Variants in PTPRN2 observed in about 807,000 individuals in gnomAD.
PTPRN2 encodes the protein protein tyrosine phosphatase receptor type N2.
A neutral mutation model predicts 118.8 loss-of-function variants in PTPRN2; 74 were observed. The observed-to-expected ratio is 0.62, with a 90% CI of 0.52 to 0.76. The LOEUF (loss-of-function observed/expected upper bound fraction) is 0.76, where lower values mean the gene tolerates loss of function less well. PTPRN2 is among the 30% of genes least tolerant of loss of function. The probability of loss-of-function intolerance (pLI) is 0.00; values close to 1 mark genes in which losing one functional copy is unlikely to be tolerated. For missense variants in PTPRN2, 1,481 were observed against 1,394.4 expected (o/e 1.06, Z -0.99); for synonymous variants, 641 against 608.0 (o/e 1.05, Z -0.80).
intron 12 of PTPRN2, among the ~76,000 whole-genome samples, chr7:157,849,328 C>T (rs997416121): frequency 6.6e-6 from 1 of 152,060 alleles, no homozygotes; most frequent in Non-Finnish European, 1.5e-5. Context: ...CTGGGGCCAT[C>T]CGGAAGTTGC....
chr7:158,258,880 G>A (rs923650246), intron 3 of PTPRN2, among the ~76,000 whole-genome samples: 12 of 152,208 alleles, frequency 7.9e-5, no homozygotes, highest in Non-Finnish European at 4.4e-5. Flanking sequence ...GTCTGTCCAC[G>A]AGGCCTGCAC....
At chr7:157,545,488 G>T (rs553505716) in intron 22 of PTPRN2, among the ~76,000 whole-genome samples, 1 of 151,500 alleles carries the variant, frequency 6.6e-6, no homozygotes, top group East Asian at 2.0e-4. Context: ...GTGGGTGTGC[G>T]CAGTGTGCAG....
intron 2 of PTPRN2, among the ~76,000 whole-genome samples, chr7:158,374,021 G>A (rs1035158301): frequency 2.6e-5 from 4 of 152,234 alleles, no homozygotes; most frequent in Admixed American, 2.6e-4. Context: ...TGTGATGACT[G>A]TTCCCACGGT....
In PTPRN2 at chr7:157,611,053, C is replaced by T. The variant is rs1802300490; in HGVS notation, c.2345-6978G>A. On this transcript the variant is annotated intron_variant, in intron 15 of 22. Transcript: ENST00000389418. This position sits in a 1 kb window ranked among gnomAD's most constrained non-coding sequence, Gnocchi z 5.9. Reference sequence around the variant, plus strand: ...CCTGCCCCACCCACCACTCAGGAGGCACGCTGCCCACCGCTGAGCTGAATA... The same window carrying T: ...CCTGCCCCACCCACCACTCAGGAGGTACGCTGCCCACCGCTGAGCTGAATA... Among the ~76,000 whole-genome samples, 1 of 152,172 alleles carries T rather than the reference C, an allele frequency of 6.6e-6. No homozygotes were observed.
At chr7:158,393,642 CAG>C (rs1347977242) in intron 2 of PTPRN2, among the ~76,000 whole-genome samples, 1 of 152,186 alleles carries the variant, frequency 6.6e-6, no homozygotes, top group African/African-American at 2.4e-5. Flanking sequence ...TCATTTTCAT[CAG>C]AGTTTCTAGC....
At chr7:158,007,439 C>A (rs142535768) in intron 11 of PTPRN2, among the ~76,000 whole-genome samples, 212 of 152,238 alleles carry the variant, frequency 1.4e-3, no homozygotes, top group African/African-American at 4.8e-3. Flanking sequence ...GGAGAGAGGA[C>A]AAGGGGAGAG....
chr7:158,413,519 AGAT>A (rs1814376041), intron 2 of PTPRN2, among the ~76,000 whole-genome samples: 1 of 152,246 alleles, frequency 6.6e-6, no homozygotes, highest in Non-Finnish European at 1.5e-5. Context: ...TGACTAACAC[AGAT>A]GAGGATCTCT....
chr7:157,657,281 A>G (rs1202023019), intron 13 of PTPRN2, among the ~76,000 whole-genome samples: 6 of 76,610 alleles, frequency 7.8e-5, no homozygotes, highest in Non-Finnish European at 1.5e-4. Flanking sequence ...CCACACACAC[A>G]CCACACACAT....
rs1336947696 is a variant in PTPRN2, at chr7:158,392,797, C to T, written c.164-75865G>A. 2.0e-5 allele frequency among the ~76,000 whole-genome samples: 3 copies of T among 152,216 alleles called. No homozygotes were observed. In the South Asian group the frequency reaches 6.2e-4, roughly 32 times the overall value. ...GGTATCCCCTGCGGACAGGACCATCCTGCTCTGGTTATCTGTCCACATCCC... is the reference window on the plus strand; with the variant it reads ...GGTATCCCCTGCGGACAGGACCATCTTGCTCTGGTTATCTGTCCACATCCC... On this transcript the variant is annotated intron_variant, in intron 2 of 22. Transcript: ENST00000389418.
chr7:158,143,387 G>A (rs1167873961), intron 6 of PTPRN2, among the ~76,000 whole-genome samples: 2 of 152,254 alleles, frequency 1.3e-5, no homozygotes, highest in South Asian at 2.1e-4. Flanking sequence ...AAGGGCCCTC[G>A]GCATTGGGCA....
chr7:157,915,365 C>T (rs1798335057), intron 11 of PTPRN2, among the ~76,000 whole-genome samples: 1 of 152,132 alleles, frequency 6.6e-6, no homozygotes, highest in Admixed American at 6.5e-5. Flanking sequence ...TGTGGCTGTC[C>T]AGGCAGCATG....
intron 2 of PTPRN2, among the ~76,000 whole-genome samples, chr7:158,457,851 G>A (rs1367537656): frequency 6.6e-6 from 1 of 150,614 alleles, no homozygotes; most frequent in African/African-American, 2.5e-5. Flanking sequence ...CCTGGGGAGA[G>A]TCGCAGTAAA....
intron 11 of PTPRN2, among the ~76,000 whole-genome samples, chr7:157,933,309 A>T (rs1389175467): frequency 6.8e-6 from 1 of 147,482 alleles, no homozygotes. Flanking sequence ...ACAGTTTTAG[A>T]GGAAGGGTGA....
intron 2 of PTPRN2, among the ~76,000 whole-genome samples, chr7:158,480,411 C>T (rs1820571827): frequency 2.0e-5 from 3 of 152,204 alleles, no homozygotes; most frequent in African/African-American, 7.2e-5. Flanking sequence ...CGCTCCCTCT[C>T]CTCCAGCCTC....
chr7:157,549,078 G>A (rs987413265), intron 21 of PTPRN2, 59 bp from the exon 22 acceptor site: 2 of 1,505,626 alleles, frequency 1.3e-6, no homozygotes, highest in African/African-American at 2.8e-5. Flanking sequence ...TGCCACATCT[G>A]TCAATCTCCT....
At chr7:157,740,430 G>A (rs1323499497) in intron 12 of PTPRN2, 2 of 133,918 alleles carry the variant, frequency 1.5e-5, no homozygotes, top group Admixed American at 7.5e-5. Flanking sequence ...CTCCATCCAC[G>A]GCAAGGCAGG....
chr7:158,402,602 A>T (rs1373712752), intron 2 of PTPRN2, among the ~76,000 whole-genome samples: 3 of 152,220 alleles, frequency 2.0e-5, no homozygotes, highest in Non-Finnish European at 2.9e-5. Flanking sequence ...CCCAAAATGC[A>T]GAGTCATCGA....
chr7:157,635,461 G>A (rs574635269), intron 14 of PTPRN2, among the ~76,000 whole-genome samples: 14 of 152,352 alleles, frequency 9.2e-5, no homozygotes, highest in African/African-American at 3.4e-4. Flanking sequence ...AGGCGTTTCG[G>A]ACAAATGGTT....
At chr7:158,095,946 ACT>A (rs1201862026) in intron 10 of PTPRN2, among the ~76,000 whole-genome samples, 1 of 151,914 alleles carries the variant, frequency 6.6e-6, no homozygotes, top group African/African-American at 2.4e-5. Flanking sequence ...TGCCTGGGAA[ACT>A]CTTCACTACC....
Sources: gnomAD v4.1 joint callset for allele counts (sites outside exome capture counted in the v4.1 genomes callset) on GRCh38, gnomAD v4.1.1 for gene constraint, Gnocchi (gnomAD v3.1) non-coding constraint, MANE v1.5 for transcripts, NCBI Gene and HGNC (gene_info 2026-07-23, HGNC 2026-07-21) for gene names.